Variants in MAST4 observed in about 807,000 individuals in gnomAD.
MAST4 encodes microtubule-associated serine/threonine-protein kinase 4.
A neutral mutation model predicts 162.7 loss-of-function variants in MAST4; 89 were observed. The observed-to-expected ratio is 0.55, with a 90% CI of 0.46 to 0.65. The LOEUF (loss-of-function observed/expected upper bound fraction) is 0.65. MAST4 is among the 30% of genes least tolerant of loss of function. The pLI is 0.00. For synonymous variants in MAST4, 1,479 were observed against 1,361.1 expected (o/e 1.09, Z -1.91); for missense variants, 3,153 against 3,374.0 (o/e 0.93, Z 1.62).
intron 4 of MAST4, among the ~76,000 whole-genome samples, chr5:66,912,553 A>G (rs1363229215): frequency 6.6e-6 from 1 of 152,164 alleles, no homozygotes; most frequent in Non-Finnish European, 1.5e-5. Context: ...CACAGTTTTC[A>G]TGTCTTAGAG....
chr5:66,858,119 G>A (rs1035832398), intron 3 of MAST4, among the ~76,000 whole-genome samples: 2 of 151,796 alleles, frequency 1.3e-5, no homozygotes, highest in African/African-American at 4.8e-5. Context: ...ACCACGCCTG[G>A]CTAATTTTTA....
intron 4 of MAST4, among the ~76,000 whole-genome samples, chr5:66,941,064 A>G (rs1016940289): frequency 1.3e-5 from 2 of 152,170 alleles, no homozygotes; most frequent in Non-Finnish European, 2.9e-5. Context: ...AAAATATTTC[A>G]TAAATTATGC....
chr5:66,759,963 C>T (rs1753762275), intron 2 of MAST4, 101 bp downstream of exon 2: 1 of 1,263,796 alleles, frequency 7.9e-7, no homozygotes. Context: ...TAAGAATGGG[C>T]CTGCCTCTGC....
chr5:67,034,348 C>T (rs1353386209), intron 4 of MAST4, among the ~76,000 whole-genome samples: 3 of 152,124 alleles, frequency 2.0e-5, no homozygotes, highest in Admixed American at 1.3e-4. Flanking sequence ...GGACGGGATC[C>T]ATGTCAGGTG....
intron 4 of MAST4, among the ~76,000 whole-genome samples, chr5:66,920,185 G>A (rs1389238356): frequency 6.6e-6 from 1 of 152,036 alleles, no homozygotes; most frequent in Non-Finnish European, 1.5e-5. Context: ...GGTGACAAAT[G>A]ATACAAACTA....
At chr5:66,984,893 G>A (rs1749298704) in intron 4 of MAST4, among the ~76,000 whole-genome samples, 1 of 152,158 alleles carries the variant, frequency 6.6e-6, no homozygotes, top group Non-Finnish European at 1.5e-5. Flanking sequence ...CAGGATCGTG[G>A]AAGAAAATTA....
At chr5:66,645,172 C>A (rs1339251896) in intron 1 of MAST4, among the ~76,000 whole-genome samples, 1 of 152,106 alleles carries the variant, frequency 6.6e-6, no homozygotes, top group East Asian at 1.9e-4. Flanking sequence ...CACTCTAAAC[C>A]AAACTCTTTC....
intron 1 of MAST4, among the ~76,000 whole-genome samples, chr5:66,730,959 A>G (rs563205501): frequency 2.1e-3 from 322 of 152,266 alleles, no homozygotes; most frequent in Non-Finnish European, 4.0e-3. Context: ...AGTTGTCTAG[A>G]TATTGGCAAT....
At chr5:66,949,132 A>G (rs1463324878) in intron 4 of MAST4, among the ~76,000 whole-genome samples, 1 of 152,170 alleles carries the variant, frequency 6.6e-6, no homozygotes, top group Admixed American at 6.5e-5. Flanking sequence ...TTGTTTTGTC[A>G]AACAACTTGT....
chr5:67,075,018 A>G (rs924108810), intron 5 of MAST4, among the ~76,000 whole-genome samples: 1 of 152,178 alleles, frequency 6.6e-6, no homozygotes, highest in African/African-American at 2.4e-5. Flanking sequence ...TAGCAGTACT[A>G]AAGTTATCCC....
At chr5:66,930,800 G>A (rs1173610514) in intron 4 of MAST4, 1 of 470,684 alleles carries the variant, frequency 2.1e-6, no homozygotes, top group African/African-American at 2.0e-5. Context: ...ATAAGAATGG[G>A]TGTGCCTGCT....
Position 67,076,434 on chromosome 5 carries a change from C to G in MAST4, c.764-13728C>G, listed in dbSNP as rs567983417. Among the ~76,000 whole-genome samples, 4 of 152,302 alleles carry G rather than the reference C, an allele frequency of 2.6e-5. No homozygotes were observed. In the East Asian group the frequency reaches 7.7e-4, roughly 29 times the overall value. ...AGTCTCTCCATCTGATTGTGTCCTA[C>G]CAGCACCTCAAATCCAGCTGTTACC... On this transcript the variant is annotated intron_variant, in intron 5 of 28. Coordinates refer to ENST00000403625, the MANE Select transcript of MAST4 (RefSeq NM_001164664.2).
intron 4 of MAST4, among the ~76,000 whole-genome samples, chr5:66,934,241 T>TTATTA (rs983484380): frequency 4.6e-5 from 7 of 152,028 alleles, no homozygotes; most frequent in African/African-American, 1.7e-4. Flanking sequence ...TTATTTTATT[T>TTATTA]TATTTTTTGA....
At chr5:66,788,635 T>C in intron 2 of MAST4, 35 bp from the exon 3 acceptor site, 1 of 1,084,996 alleles carries the variant, frequency 9.2e-7, no homozygotes, top group Non-Finnish European at 1.3e-6. Context: ...ACCGGCTGCC[T>C]GTCACTTACA....
intron 4 of MAST4, among the ~76,000 whole-genome samples, chr5:67,007,868 G>T (rs899271221): frequency 6.6e-6 from 1 of 152,168 alleles, no homozygotes; most frequent in Non-Finnish European, 1.5e-5. Context: ...AACTCTTGGG[G>T]TTCCTGAGGA....
At chr5:67,128,893 C>T (rs115620146) in intron 14 of MAST4, among the ~76,000 whole-genome samples, 191 of 152,262 alleles carry the variant, frequency 1.3e-3, no homozygotes, top group African/African-American at 4.4e-3. Flanking sequence ...GATTTCAAAC[C>T]TGTTCCCCCA....
At position 67,163,486 on chromosome 5, in the gene MAST4, C is replaced by G; in HGVS notation, c.4307C>G (p.Pro1436Arg). 1 of 1,613,280 alleles carries G rather than the reference C, an allele frequency of 6.2e-7. No homozygotes were observed. Among genetic ancestry groups the G allele is most frequent in the Admixed American group, 1.7e-5 (1 of 59,978 alleles). Reference protein sequence around the residue: ...HIVRPKSAEPPRSPLLKRVQS... With the variant: ...HIVRPKSAEPRRSPLLKRVQS... ...GTGAGGCCCAAGAGTGCGGAGCCCCCCAGGTCCCCGCTGCTCAAGCGCGTG... is the reference window on the plus strand; with the variant it reads ...GTGAGGCCCAAGAGTGCGGAGCCCCGCAGGTCCCCGCTGCTCAAGCGCGTG... Residue 1436 changes from proline (P) to arginine (R), a missense_variant, in exon 29 of 29, where the codon CCC becomes CGC. Transcript: ENST00000403625. The surrounding 1 kb of genome is among the most constrained non-coding windows in gnomAD (Gnocchi z 7.0).
chr5:67,130,606 C>T (rs1000139682), intron 15 of MAST4, among the ~76,000 whole-genome samples, 188 bp downstream of exon 15: 22 of 152,094 alleles, frequency 1.4e-4, no homozygotes, highest in Non-Finnish European at 4.4e-5. Flanking sequence ...TCTACTATAA[C>T]AAAGAGAAAA....
chr5:66,889,439 G>A (rs1035762123), intron 3 of MAST4, among the ~76,000 whole-genome samples: 3 of 152,142 alleles, frequency 2.0e-5, no homozygotes, highest in African/African-American at 7.2e-5. Flanking sequence ...CTATCCTAAA[G>A]GCAATTAAAA....
Sources: gnomAD v4.1 joint callset for allele counts (sites outside exome capture counted in the v4.1 genomes callset) on GRCh38, gnomAD v4.1.1 for gene constraint, Gnocchi (gnomAD v3.1) non-coding constraint, MANE v1.5 for transcripts, NCBI Gene and HGNC (gene_info 2026-07-23, HGNC 2026-07-21) for gene names.